RASGEF1C: variants seen among roughly 807,000 people sequenced by gnomAD.
RASGEF1C encodes ras-GEF domain-containing family member 1C.
In RASGEF1C, 27 loss-of-function variants were observed where a neutral mutation model predicts 58.1. The observed-to-expected ratio is 0.46, with a 90% CI of 0.34 to 0.64. The LOEUF is 0.64. Ranked by LOEUF, RASGEF1C falls within the 30% of genes least tolerant of loss-of-function variation. The pLI, the probability that RASGEF1C is intolerant of heterozygous loss-of-function variation, is 0.01. For missense variants in RASGEF1C, 502 were observed against 605.1 expected, an observed-to-expected ratio of 0.83 and a Z score of 1.79; for synonymous variants, 243 against 246.3, an observed-to-expected ratio of 0.99 and a Z score of 0.13.
intron 4 of RASGEF1C, chr5:180,135,378 A>G (rs1018102771): frequency 6.6e-6 from 1 of 152,108 alleles, no homozygotes; most frequent in African/African-American, 2.4e-5. Flanking sequence ...TTTCTCACAC[A>G]CAGCTCTTCT....
At chr5:180,200,565 G>A (rs370582384) in intron 1 of RASGEF1C, among the ~76,000 whole-genome samples, 10 of 151,794 alleles carry the variant, frequency 6.6e-5, no homozygotes, top group East Asian at 1.9e-4. Flanking sequence ...CGCCCACCTC[G>A]GCTTCCCAAA....
At chr5:180,136,637 AG>A in intron 3 of RASGEF1C, 122 bp from the exon 4 acceptor site, 1 of 1,042,608 alleles carries the variant, frequency 9.6e-7, no homozygotes, top group Non-Finnish European at 1.4e-6. Context: ...TCTCTGTGCC[AG>A]GGAGGAGGAG....
In RASGEF1C at chr5:180,156,415, G is replaced by A. The variant is rs918378319; in HGVS notation, c.-6-18357C>T. ...AAACACTGGGCTCAGCACAGTTGGT[G>A]CCTGGCAGGGCCGAGGTGGGAACCA... On this transcript the variant is annotated intron_variant, in intron 1 of 13. Coordinates refer to ENST00000361132, the MANE Select transcript of RASGEF1C (RefSeq NM_175062.4). This position sits in a 1 kb window ranked among gnomAD's most constrained non-coding sequence, Gnocchi z 4.9. Among the ~76,000 whole-genome samples the A allele has an allele frequency of 1.3e-5, 2 of 152,220 alleles. No individual in the cohort carries two copies. Among genetic ancestry groups the A allele is most frequent in the South Asian group, 2.1e-4 (1 of 4,832 alleles).
chr5:180,168,316 G>A lies in RASGEF1C; in HGVS notation c.-6-30258C>T, dbSNP rs545632551. ...AGCCTGGTGGTGCATGCCTGTAATC[G>A]CAGCTACTCGGGAGACTGAGGCAGG... On this transcript the variant is annotated intron_variant, in intron 1 of 13. Coordinates refer to ENST00000361132, the MANE Select transcript of RASGEF1C (RefSeq NM_175062.4). This position sits in a 1 kb window ranked among gnomAD's most constrained non-coding sequence, Gnocchi z 6.0. Among the ~76,000 whole-genome samples the A allele has an allele frequency of 1.3e-5, 2 of 152,090 alleles. No homozygotes were observed. Among genetic ancestry groups the A allele is most frequent in the South Asian group, 2.1e-4 (1 of 4,794 alleles).
chr5:180,194,895 C>T (rs1756238110), intron 1 of RASGEF1C, among the ~76,000 whole-genome samples: 1 of 151,538 alleles, frequency 6.6e-6, no homozygotes, highest in African/African-American at 2.4e-5. Flanking sequence ...AGAGCTGCGG[C>T]TTCTCCTGGC....
chr5:180,121,069 C>A lies in RASGEF1C; in HGVS notation c.795G>T (p.Glu265Asp). 1.2e-6 allele frequency: 2 copies of A among 1,613,636 alleles called. No homozygotes were observed. The highest frequency in any genetic ancestry group is 1.7e-6 in the Non-Finnish European group (2 of 1,179,496). ...FNRLCYLVAT[E>D]ICMPAKKKQR... Reference sequence around the variant, plus strand: ...CTGGCTGTCTACTCACCATGCAGATCTCAGTTGCCACCAGGTAGCACAGCC... The same window carrying A: ...CTGGCTGTCTACTCACCATGCAGATATCAGTTGCCACCAGGTAGCACAGCC... The change falls in exon 7 of 14, where the codon GAG becomes GAT. Residue 265 changes from glutamate (E) to aspartate (D), a missense_variant. By Grantham distance (45) the Glu-to-Asp change is conservative. Coordinates refer to ENST00000361132, the MANE Select transcript of RASGEF1C (RefSeq NM_175062.4).
intron 1 of RASGEF1C, among the ~76,000 whole-genome samples, chr5:180,166,507 G>T (rs1004626177): frequency 2.0e-5 from 3 of 149,706 alleles, no homozygotes; most frequent in African/African-American, 7.4e-5. Context: ...CATTCCCAAA[G>T]AATTTTTCTT....
intron 1 of RASGEF1C, among the ~76,000 whole-genome samples, chr5:180,180,608 G>A (rs151161660): frequency 7.8e-4 from 119 of 152,332 alleles, no homozygotes; most frequent in Non-Finnish European, 1.5e-3. Context: ...ACTGGCCATC[G>A]GTGGGAGCAC....
At position 180,137,171 on chromosome 5, in the gene RASGEF1C, G is replaced by A. The variant is rs1335763041; in HGVS notation, c.300+419C>T. On this transcript the variant is annotated intron_variant, in intron 3 of 13. Coordinates refer to ENST00000361132, the MANE Select transcript of RASGEF1C (RefSeq NM_175062.4). This position sits in a 1 kb window ranked among gnomAD's most constrained non-coding sequence, Gnocchi z 4.1. The stretch of plus-strand genomic sequence containing the variant: ...CAGCTAAGTCCTTTTGGTTCAGGCG[G>A]GTTGAAGTTGGGTCTCTCCCACTAG... 2.6e-5 allele frequency among the ~76,000 whole-genome samples: 4 copies of A among 152,152 alleles called. No homozygotes were observed. The South Asian group carries it at 8.3e-4, about 31-fold the overall frequency.
At chr5:180,146,032 A>G (rs1427152519) in intron 1 of RASGEF1C, among the ~76,000 whole-genome samples, 1 of 152,252 alleles carries the variant, frequency 6.6e-6, no homozygotes, top group Non-Finnish European at 1.5e-5. Flanking sequence ...CCTTTGAGGC[A>G]CAAATGTTTT....
At chr5:180,169,931 G>A (rs1031513760) in intron 1 of RASGEF1C, among the ~76,000 whole-genome samples, 3 of 152,122 alleles carry the variant, frequency 2.0e-5, no homozygotes, top group African/African-American at 7.2e-5. Flanking sequence ...GGCCTCCGCA[G>A]GGCTTCTGCC....
At chr5:180,135,045 A>ACCC (rs59125244) in intron 4 of RASGEF1C, among the ~76,000 whole-genome samples, 33 of 117,252 alleles carry the variant, frequency 2.8e-4, no homozygotes, top group African/African-American at 6.5e-4. Flanking sequence ...CGCTGTCCCC[A>ACCC]CCCCCCCCGT....
At chr5:180,142,902 C>G (rs962754901) in intron 1 of RASGEF1C, among the ~76,000 whole-genome samples, 2 of 152,108 alleles carry the variant, frequency 1.3e-5, no homozygotes, top group Non-Finnish European at 2.9e-5. Context: ...CACGTGCCCC[C>G]GCTGTGGCAA....
chr5:180,119,816 T>C (rs966230662), intron 7 of RASGEF1C, among the ~76,000 whole-genome samples: 10 of 152,144 alleles, frequency 6.6e-5, no homozygotes, highest in Admixed American at 3.9e-4. Flanking sequence ...CTGGGCTTTC[T>C]CCTCTCACTG....
chr5:180,186,101 GAAAAAAAAAA>G (rs35778456), intron 1 of RASGEF1C, among the ~76,000 whole-genome samples: 6 of 81,140 alleles, frequency 7.4e-5, no homozygotes, highest in African/African-American at 2.4e-4. Context: ...TATCTCCACA[GAAAAAAAAAA>G]AAAAAAAAAA....
intron 1 of RASGEF1C, among the ~76,000 whole-genome samples, chr5:180,147,479 G>A (rs1766675480): frequency 6.6e-6 from 1 of 151,954 alleles, no homozygotes; most frequent in African/African-American, 2.4e-5. Context: ...TGTATCCCAT[G>A]TTTTAGTATG....
rs1484649500 is a variant in RASGEF1C, at chr5:180,152,703, TAAAGTA to T, written c.-6-14651_-6-14646del. On this transcript the variant is annotated intron_variant, in intron 1 of 13. Coordinates refer to ENST00000361132, the MANE Select transcript of RASGEF1C (RefSeq NM_175062.4). Reference sequence around the variant, plus strand: ...CGTTATGCACATGTACCCTAGAACTTAAAGTATAATTAAAAAAAAAAAAAGAAAGAA... The same window carrying T: ...CGTTATGCACATGTACCCTAGAACTTTAATTAAAAAAAAAAAAAGAAAGAA... Among the ~76,000 whole-genome samples the T allele has an allele frequency of 2.0e-5, 3 of 150,144 alleles. No individual in the cohort carries two copies. The East Asian group carries it at 5.9e-4, about 29-fold the overall frequency.
At chr5:180,160,197 C>T in intron 1 of RASGEF1C, among the ~76,000 whole-genome samples, 1 of 152,186 alleles carries the variant, frequency 6.6e-6, no homozygotes, top group East Asian at 1.9e-4. Context: ...CAGTAGAGCG[C>T]CCCTCCCAAG....
chr5:180,150,674 C>G (rs936723233), intron 1 of RASGEF1C, among the ~76,000 whole-genome samples: 2 of 152,068 alleles, frequency 1.3e-5, no homozygotes, highest in African/African-American at 4.8e-5. Context: ...GATGCCCTCT[C>G]TCACCACTCC....
Sources: allele counts gnomAD v4.1 joint callset (sites outside exome capture counted in the v4.1 genomes callset), GRCh38; gene constraint gnomAD v4.1.1; non-coding constraint Gnocchi (gnomAD v3.1); transcripts MANE v1.5; gene names NCBI Gene and HGNC (gene_info 2026-07-23, HGNC 2026-07-21).